CNN3: variants seen among roughly 807,000 people sequenced by gnomAD.
The protein encoded by CNN3 is calponin 3.
CNN3 carries 11 observed loss-of-function variants against 39.0 expected under a neutral mutation model. The observed-to-expected ratio is 0.28, with a 90% CI of 0.18 to 0.47. CNN3 has a LOEUF of 0.47. Among genes scored for constraint, CNN3 ranks in the 20% least tolerant of loss-of-function variants. CNN3 has a pLI of 0.99. For synonymous variants in CNN3, 101 were observed against 138.3 expected (o/e 0.73, Z 1.89); for missense variants, 266 against 403.4 (o/e 0.66, Z 2.92).
chr1:94,925,094 T>C (rs1671543902), intron 1 of CNN3, among the ~76,000 whole-genome samples: 1 of 152,178 alleles, frequency 6.6e-6, no homozygotes, highest in Non-Finnish European at 1.5e-5. Context: ...CAAAAGCTGC[T>C]ACATTAGTCA....
At chr1:94,918,789 G>A (rs1321724767) in intron 1 of CNN3, among the ~76,000 whole-genome samples, 1 of 151,818 alleles carries the variant, frequency 6.6e-6, no homozygotes, top group Admixed American at 6.6e-5. Flanking sequence ...AGCTTCTCAG[G>A]AGGCTGAGGT....
intron 1 of CNN3, among the ~76,000 whole-genome samples, chr1:94,912,465 G>A (rs1241012476): frequency 6.6e-6 from 1 of 152,280 alleles, no homozygotes. Flanking sequence ...CCCGGCAGGC[G>A]CCCTCCTAGA....
intron 1 of CNN3, among the ~76,000 whole-genome samples, chr1:94,904,500 G>A (rs1406846629): frequency 4.6e-5 from 7 of 152,002 alleles, no homozygotes; most frequent in Non-Finnish European, 7.4e-5. Flanking sequence ...CTGTAATCTC[G>A]GCACTTTGGG....
intron 1 of CNN3, chr1:94,924,250 T>G (rs1017745123): frequency 2.0e-5 from 3 of 152,242 alleles, no homozygotes; most frequent in African/African-American, 7.2e-5. Context: ...GGCTATTTGA[T>G]TCCCAGGCCC....
At position 94,897,447 on chromosome 1, in the gene CNN3, G is replaced by T; in HGVS notation, c.*295C>A. The T allele has an allele frequency of 1.4e-5, 3 of 219,832 alleles. No homozygotes were observed. Among genetic ancestry groups the T allele is most frequent in the Non-Finnish European group, 1.8e-5 (2 of 112,782 alleles). The allele number at this position is 219,832 out of a possible 1,614,324, so 13.6% of individuals were successfully genotyped here. On this transcript the variant is annotated 3_prime_UTR_variant, in exon 7 of 7. Coordinates refer to ENST00000370206, the MANE Select transcript of CNN3 (RefSeq NM_001839.5). Reference sequence around the variant, plus strand: ...TAATATAAGATTGTAAAAATGCATAGATTTTTGCATAAAAGAACTGGCTGT... The same window carrying T: ...TAATATAAGATTGTAAAAATGCATATATTTTTGCATAAAAGAACTGGCTGT...
chr1:94,906,966 A>T (rs1289889851), intron 1 of CNN3, among the ~76,000 whole-genome samples: 1 of 152,216 alleles, frequency 6.6e-6, no homozygotes, highest in Non-Finnish European at 1.5e-5. Flanking sequence ...CCCAGTAAGA[A>T]GTTTTCACCT....
At chr1:94,900,120 C>A (rs973449714) in intron 5 of CNN3, among the ~76,000 whole-genome samples, 3 of 152,106 alleles carry the variant, frequency 2.0e-5, no homozygotes, top group Admixed American at 6.6e-5. Flanking sequence ...TTTTCTTCCC[C>A]ACTGAGAACA....
intron 1 of CNN3, 26 bp from the exon 2 acceptor site, chr1:94,903,550 G>A: frequency 1.2e-6 from 2 of 1,613,134 alleles, no homozygotes; most frequent in Non-Finnish European, 1.7e-6. Context: ...ACTCACTTTA[G>A]AAGAATTTCA....
At chr1:94,916,779 C>T (rs1368569415) in intron 1 of CNN3, among the ~76,000 whole-genome samples, 2 of 152,118 alleles carry the variant, frequency 1.3e-5, no homozygotes, top group African/African-American at 4.8e-5. Context: ...TCCCTGCCAA[C>T]CAGAGATCAT....
chr1:94,909,138 C>G (rs1050330226), intron 1 of CNN3, among the ~76,000 whole-genome samples: 7 of 152,092 alleles, frequency 4.6e-5, no homozygotes, highest in Admixed American at 3.3e-4. Flanking sequence ...CAAAGTGAGA[C>G]TCTGTCTTTA....
chr1:94,919,343 T>C (rs1288956307), intron 1 of CNN3, among the ~76,000 whole-genome samples: 1 of 152,236 alleles, frequency 6.6e-6, no homozygotes, highest in Non-Finnish European at 1.5e-5. Context: ...TGATGCCTAA[T>C]GTACATATAA....
intron 1 of CNN3, among the ~76,000 whole-genome samples, chr1:94,906,962 A>G (rs1178102040): frequency 2.0e-5 from 3 of 152,206 alleles, no homozygotes; most frequent in African/African-American, 7.2e-5. Flanking sequence ...AGATCCCAGT[A>G]AGAAGTTTTC....
At chr1:94,912,497 G>A (rs1671190220) in intron 1 of CNN3, among the ~76,000 whole-genome samples, 1 of 152,132 alleles carries the variant, frequency 6.6e-6, no homozygotes, top group African/African-American at 2.4e-5. Context: ...GGGAGAGAGT[G>A]TGCAAGCAAG....
chr1:94,901,898 T>A, intron 4 of CNN3, 113 bp from the exon 5 acceptor site: 1 of 768,920 alleles, frequency 1.3e-6, no homozygotes, highest in Non-Finnish European at 2.2e-6. Context: ...TAAAAAGTAT[T>A]TAAGGCTGTT....
At position 94,926,157 on chromosome 1, in the gene CNN3, T is replaced by C. The variant is rs1049224553; in HGVS notation, c.57+681A>G. 8.5e-5 allele frequency among the ~76,000 whole-genome samples: 13 copies of C among 152,212 alleles called. No homozygotes were observed. The highest frequency in any genetic ancestry group is 3.1e-4 in the African/African-American group (13 of 41,454). On this transcript the variant is annotated intron_variant, in intron 1 of 6. Coordinates refer to ENST00000370206, the MANE Select transcript of CNN3 (RefSeq NM_001839.5). This position sits in a 1 kb window ranked among gnomAD's most constrained non-coding sequence, Gnocchi z 4.2. ...GTACTTCAAACTTCTCAGTGTTTCA[T>C]AAAAAGTCTCAAGCCTAAGCAGATA...
intron 1 of CNN3, among the ~76,000 whole-genome samples, chr1:94,909,325 A>AAATCTT (rs1671098522): frequency 6.6e-6 from 1 of 152,208 alleles, no homozygotes; most frequent in Non-Finnish European, 1.5e-5. Flanking sequence ...CTACCCAACA[A>AAATCTT]AATCTTATTC....
intron 1 of CNN3, among the ~76,000 whole-genome samples, chr1:94,906,412 A>G (rs1461608525): frequency 6.6e-6 from 1 of 152,214 alleles, no homozygotes; most frequent in Non-Finnish European, 1.5e-5. Flanking sequence ...AGAAAAGGAG[A>G]AAAGAGTACT....
chr1:94,911,524 A>C (rs1445193689), intron 1 of CNN3, among the ~76,000 whole-genome samples: 5 of 152,240 alleles, frequency 3.3e-5, no homozygotes, highest in Non-Finnish European at 7.3e-5. Context: ...GGCTCACACC[A>C]GCAATTTGGG....
At chr1:94,911,113 G>C (rs1434598443) in intron 1 of CNN3, among the ~76,000 whole-genome samples, 1 of 152,196 alleles carries the variant, frequency 6.6e-6, no homozygotes, top group Non-Finnish European at 1.5e-5. Context: ...TGGGGGGTGG[G>C]AGTGGGAATT....
Sources: gnomAD v4.1 joint callset for allele counts (sites outside exome capture counted in the v4.1 genomes callset) on GRCh38, gnomAD v4.1.1 for gene constraint, Gnocchi (gnomAD v3.1) non-coding constraint, MANE v1.5 for transcripts, NCBI Gene and HGNC (gene_info 2026-07-23, HGNC 2026-07-21) for gene names.